Variants in COLEC12 observed in about 807,000 individuals in gnomAD.
COLEC12 encodes the protein collectin subfamily member 12, also known as collectin-12.
A neutral mutation model predicts 71.1 loss-of-function variants in COLEC12; 33 were observed. The ratio of observed to expected loss-of-function variants is 0.46; its 90% CI spans 0.35 to 0.62. The LOEUF (loss-of-function observed/expected upper bound fraction) is 0.62, where lower values mean the gene tolerates loss of function less well. Among genes scored for constraint, COLEC12 ranks in the 20% least tolerant of loss-of-function variants. The pLI, the probability that COLEC12 is intolerant of heterozygous loss-of-function variation, is 0.00. For synonymous variants in COLEC12, 350 were observed against 353.0 expected (o/e 0.99, Z 0.10); for missense variants, 765 against 916.1 (o/e 0.84, Z 2.13).
chr18:359,806 T>C (rs1914704622), intron 2 of COLEC12, among the ~76,000 whole-genome samples: 1 of 152,258 alleles, frequency 6.6e-6, no homozygotes. Flanking sequence ...TCTATAACTG[T>C]GCTCAATAAC....
intron 6 of COLEC12, chr18:333,583 G>T (rs1914034272): frequency 6.5e-6 from 1 of 154,776 alleles, no homozygotes; most frequent in African/African-American, 2.4e-5. Context: ...TAGAATAGCG[G>T]TTGGGTCAAA....
At position 321,767 on chromosome 18, in the gene COLEC12, G is replaced by T; in HGVS notation, c.2104C>A (p.His702Asn). 6.2e-7 allele frequency: 1 copy of T among 1,614,172 alleles called. No individual in the cohort carries two copies. The highest frequency in any genetic ancestry group is 1.1e-5 in the South Asian group (1 of 91,074). The change falls in exon 9 of 10, where the codon CAT becomes AAT. Residue 702 changes from histidine to asparagine, a missense_variant. Physicochemically the swap from His to Asn is moderately conservative, Grantham distance 68. Coordinates refer to ENST00000400256, the MANE Select transcript of COLEC12 (RefSeq NM_130386.3). ...CCAGCACAGTCTTCTCCTGGCCCAT[G>T]GCCATGACCCCAGTTATCCGGCTGT... ...AGQPDNWGHG[H>N]GPGEDCAGLI...
chr18:428,495 C>A (rs146695071), intron 2 of COLEC12, among the ~76,000 whole-genome samples: 161 of 152,254 alleles, frequency 1.1e-3, no homozygotes, highest in South Asian at 7.1e-3. Flanking sequence ...AACAAATGGA[C>A]CACAACACAC....
intron 2 of COLEC12, among the ~76,000 whole-genome samples, chr18:429,220 TG>T (rs199957921): frequency 0.017 from 2,521 of 152,324 alleles, 28 homozygotes; most frequent in Non-Finnish European, 0.02. Flanking sequence ...TGTTTTGATT[TG>T]TTTTTTTAAC....
chr18:326,495 C>A (rs566661982), intron 8 of COLEC12, among the ~76,000 whole-genome samples: 6 of 152,126 alleles, frequency 3.9e-5, no homozygotes, highest in African/African-American at 1.4e-4. Flanking sequence ...TTACAGGCAT[C>A]CGCCACCACA....
At chr18:457,878 G>A (rs577325608) in intron 2 of COLEC12, among the ~76,000 whole-genome samples, 3 of 152,282 alleles carry the variant, frequency 2.0e-5, no homozygotes, top group Middle Eastern at 3.4e-3. Context: ...AGGAGACGGC[G>A]TATCTTACTG....
chr18:396,185 C>T (rs533735390), intron 2 of COLEC12, among the ~76,000 whole-genome samples: 16 of 152,330 alleles, frequency 1.1e-4, no homozygotes, highest in Admixed American at 5.9e-4. Context: ...ATCCCAACAC[C>T]GGTGTGTTTG....
intron 2 of COLEC12, among the ~76,000 whole-genome samples, chr18:380,783 T>C (rs904644019): frequency 6.6e-6 from 1 of 152,156 alleles, no homozygotes. Context: ...TTTACGTTCT[T>C]AGAGACCTCA....
rs1238397766 is a variant in COLEC12 at position 399,897 on chromosome 18, C to T, written c.59-42375G>A. ...GGGACTAGCCCAGCTTCTAACAGCCCCCAGTTTTTGGCTTGATCCTCAGAC... is the reference window on the plus strand; with the variant it reads ...GGGACTAGCCCAGCTTCTAACAGCCTCCAGTTTTTGGCTTGATCCTCAGAC... On this transcript the variant is annotated intron_variant, in intron 2 of 9. Transcript: ENST00000400256. The surrounding 1 kb of genome is among the most constrained non-coding windows in gnomAD (Gnocchi z 4.0). 6.6e-6 allele frequency among the ~76,000 whole-genome samples: 1 copy of T among 152,086 alleles called. No homozygotes were observed. The highest frequency in any genetic ancestry group is 1.5e-5 in the Non-Finnish European group (1 of 68,024).
chr18:470,831 G>A (rs1048075206), intron 2 of COLEC12, among the ~76,000 whole-genome samples: 1 of 152,202 alleles, frequency 6.6e-6, no homozygotes. Flanking sequence ...TTAAACTGCT[G>A]TGGAAATACT....
At chr18:441,105 A>AGTCG (rs1916516853) in intron 2 of COLEC12, among the ~76,000 whole-genome samples, 1 of 128,364 alleles carries the variant, frequency 7.8e-6, no homozygotes, top group Non-Finnish European at 1.7e-5. Context: ...AAAATTGGCC[A>AGTCG]GGCGTGGTGG....
intron 2 of COLEC12, among the ~76,000 whole-genome samples, chr18:361,586 C>T (rs545537467): frequency 9.2e-5 from 14 of 152,330 alleles, no homozygotes; most frequent in African/African-American, 2.2e-4. Flanking sequence ...ACCACACACA[C>T]GGACCAGCGC....
intron 5 of COLEC12, among the ~76,000 whole-genome samples, chr18:341,137 GA>G (rs1306006629): frequency 1.3e-5 from 2 of 152,180 alleles, no homozygotes; most frequent in Non-Finnish European, 2.9e-5. Context: ...AATCCCTATT[GA>G]AACTTTAACC....
chr18:378,476 T>C (rs1318981472), intron 2 of COLEC12, among the ~76,000 whole-genome samples: 1 of 152,192 alleles, frequency 6.6e-6, no homozygotes, highest in Non-Finnish European at 1.5e-5. Flanking sequence ...AAACGTCCGA[T>C]GCAATTGGCA....
In COLEC12 at chr18:480,310, T is replaced by C. The variant is rs1192136665; in HGVS notation, c.58+397A>G. Among the ~76,000 whole-genome samples, 1 of 152,210 alleles carries C rather than the reference T, an allele frequency of 6.6e-6. No homozygotes were observed. Among genetic ancestry groups the C allele is most frequent in the African/African-American group, 2.4e-5 (1 of 41,470 alleles). ...TTGGAAGAAGTCTCCCTCTCACTCA[T>C]CCATGAACACTGGGTTAGGAGTGTA... On this transcript the variant is annotated intron_variant, in intron 2 of 9. Coordinates refer to ENST00000400256, the MANE Select transcript of COLEC12 (RefSeq NM_130386.3). The surrounding 1 kb of genome is among the most constrained non-coding windows in gnomAD (Gnocchi z 4.1).
chr18:317,611 T>C lies in COLEC12; in HGVS notation c.*2434A>G, dbSNP rs1014973668. 6.6e-6 allele frequency: 1 copy of C among 152,254 alleles called. No homozygotes were observed. The highest frequency in any genetic ancestry group is 2.4e-5 in the African/African-American group (1 of 41,464). 9.4% of individuals were successfully genotyped at this position (152,254 alleles called of 1,614,324 possible). ...GGGCTGGGAGAGCAATAACTTCAGC[T>C]GCGAAAGCTAATACTAGTCTATCCT... On this transcript the variant is annotated 3_prime_UTR_variant, in exon 10 of 10. Coordinates refer to ENST00000400256, the MANE Select transcript of COLEC12 (RefSeq NM_130386.3).
intron 2 of COLEC12, among the ~76,000 whole-genome samples, chr18:376,889 G>A (rs1915126063): frequency 6.6e-6 from 1 of 152,190 alleles, no homozygotes; most frequent in Non-Finnish European, 1.5e-5. Flanking sequence ...TGAGTCCTCA[G>A]AGCTCTCCTG....
At chr18:324,010 C>T (rs1257370413) in intron 8 of COLEC12, among the ~76,000 whole-genome samples, 1 of 152,118 alleles carries the variant, frequency 6.6e-6, no homozygotes, top group Non-Finnish European at 1.5e-5. Context: ...TCAAGGCTTT[C>T]CTTAGGACTA....
chr18:460,318 CT>C (rs111872001), intron 2 of COLEC12, among the ~76,000 whole-genome samples: 3,255 of 151,696 alleles, frequency 0.021, 113 homozygotes, highest in African/African-American at 0.075. Context: ...TTTGTGTCAC[CT>C]TTTGAATCCC....
Sources: allele counts gnomAD v4.1 joint callset (sites outside exome capture counted in the v4.1 genomes callset), GRCh38; gene constraint gnomAD v4.1.1; non-coding constraint Gnocchi (gnomAD v3.1); transcripts MANE v1.5; gene names NCBI Gene and HGNC (gene_info 2026-07-23, HGNC 2026-07-21).